AOPEP: variants seen among roughly 807,000 people sequenced by gnomAD.
AOPEP encodes aminopeptidase O (putative), also known as aminopeptidase O.
AOPEP carries 77 observed loss-of-function variants against 98.1 expected under a neutral mutation model. The ratio of observed to expected loss-of-function variants is 0.78; its 90% CI spans 0.65 to 0.95. AOPEP has a LOEUF of 0.95. Among genes scored for constraint, AOPEP ranks in the 40% least tolerant of loss-of-function variants. AOPEP has a pLI of 0.00. For synonymous variants in AOPEP, 346 were observed against 365.3 expected (o/e 0.95, Z 0.60); for missense variants, 1,024 against 1,024.7 (o/e 1.00, Z 0.01).
At chr9:95,135,345 C>T in the AOPEP span, 15 of 1,613,718 alleles carry the variant, frequency 9.3e-6, no homozygotes, top group Admixed American at 1.7e-5. Context: ...CCAGTACGTA[C>T]CAGCGATGAA....
chr9:94,917,821 G>C (rs2053049275), intron 5 of AOPEP, among the ~76,000 whole-genome samples: 1 of 152,006 alleles, frequency 6.6e-6, no homozygotes, highest in Non-Finnish European at 1.5e-5. Context: ...CCCTCAGCCT[G>C]TTGGCCTCTT....
chr9:95,080,827 T>C, intron 15 of AOPEP, 47 bp downstream of exon 15: 3 of 1,233,272 alleles, frequency 2.4e-6, no homozygotes, highest in African/African-American at 1.5e-5. Flanking sequence ...AGGCTGTCCC[T>C]GCACTTCACA....
the AOPEP span, among the ~76,000 whole-genome samples, chr9:95,139,537 A>AGT: frequency 6.6e-6 from 1 of 152,062 alleles, no homozygotes; most frequent in Admixed American, 6.6e-5. Flanking sequence ...GGCGGAACAG[A>AGT]GTGTGGGCCT....
At chr9:95,012,223 T>C (rs1342081184) in intron 13 of AOPEP, among the ~76,000 whole-genome samples, 1 of 152,174 alleles carries the variant, frequency 6.6e-6, no homozygotes, top group African/African-American at 2.4e-5. Context: ...TTATTGACAA[T>C]CCTAGACCAC....
At chr9:94,872,175 T>C (rs547662103) in intron 5 of AOPEP, among the ~76,000 whole-genome samples, 18 of 152,296 alleles carry the variant, frequency 1.2e-4, no homozygotes, top group Middle Eastern at 6.8e-3. Flanking sequence ...TATGAATAAG[T>C]GATCCTACAA....
the AOPEP span, among the ~76,000 whole-genome samples, chr9:95,103,579 G>C: frequency 2.0e-5 from 3 of 152,236 alleles, no homozygotes; most frequent in Non-Finnish European, 1.5e-5. Flanking sequence ...GAGGGAGCAA[G>C]TGGACGGCTG....
At chr9:94,757,616 TGTTAGA>T (rs1352571519) in intron 1 of AOPEP, among the ~76,000 whole-genome samples, 7 of 148,766 alleles carry the variant, frequency 4.7e-5, no homozygotes, top group Non-Finnish European at 5.9e-5. Context: ...TTTAGGAATC[TGTTAGA>T]GTTAGACAAT....
At chr9:94,829,546 C>G (rs1288679721) in intron 5 of AOPEP, among the ~76,000 whole-genome samples, 2 of 152,120 alleles carry the variant, frequency 1.3e-5, no homozygotes, top group African/African-American at 4.8e-5. Flanking sequence ...AACAAACAGG[C>G]CACGCCCATG....
chr9:94,800,121 G>A (rs1847888497), intron 4 of AOPEP, among the ~76,000 whole-genome samples: 1 of 152,158 alleles, frequency 6.6e-6, no homozygotes, highest in Non-Finnish European at 1.5e-5. Context: ...AATTTGTTCT[G>A]AAAGTGGGTT....
intron 11 of AOPEP, among the ~76,000 whole-genome samples, chr9:94,988,811 T>C (rs1414565884): frequency 1.3e-5 from 2 of 152,174 alleles, no homozygotes; most frequent in African/African-American, 4.8e-5. Flanking sequence ...AACCTGCTAC[T>C]GAGTCAGCAT....
chr9:94,760,612 C>T (rs1030972469), intron 2 of AOPEP, 32 bp downstream of exon 2: 14 of 1,498,778 alleles, frequency 9.3e-6, no homozygotes, highest in Non-Finnish European at 1.2e-5. Context: ...AAGCCCTGTG[C>T]CTGTTAATCT....
the AOPEP span, among the ~76,000 whole-genome samples, chr9:95,137,346 A>G: frequency 6.6e-6 from 1 of 152,022 alleles, no homozygotes; most frequent in African/African-American, 2.4e-5. Context: ...ACCCGGGGAG[A>G]CTGCGGAGGA....
At chr9:94,895,388 A>G (rs1166473579) in intron 5 of AOPEP, among the ~76,000 whole-genome samples, 1 of 149,270 alleles carries the variant, frequency 6.7e-6, no homozygotes, top group Non-Finnish European at 1.5e-5. Flanking sequence ...TGACAGAGCA[A>G]GACCCTGTCT....
At chr9:94,979,549 C>A in intron 11 of AOPEP, 122 bp downstream of exon 11, 1 of 654,242 alleles carries the variant, frequency 1.5e-6, no homozygotes, top group Non-Finnish European at 2.8e-6. Flanking sequence ...TTACTGAGTG[C>A]AAGTATCTGT....
chr9:94,992,408 C>T (rs1253257461), intron 11 of AOPEP, among the ~76,000 whole-genome samples: 1 of 152,194 alleles, frequency 6.6e-6, no homozygotes, highest in East Asian at 1.9e-4. Flanking sequence ...CAGCCACCAC[C>T]GTCACACTGT....
At chr9:94,963,056 T>C (rs755881292) in intron 9 of AOPEP, among the ~76,000 whole-genome samples, 176 of 152,356 alleles carry the variant, frequency 1.2e-3, no homozygotes, top group Non-Finnish European at 2.2e-3. Context: ...TATTATCATC[T>C]TTGTAGCCCC....
intron 7 of AOPEP, among the ~76,000 whole-genome samples, chr9:94,933,851 C>T (rs966548777): frequency 6.6e-6 from 1 of 151,832 alleles, no homozygotes; most frequent in Non-Finnish European, 1.5e-5. Context: ...ATGTTCACGC[C>T]ATTCTCCTGC....
At chr9:95,056,956 T>C (rs1003163734) in intron 13 of AOPEP, among the ~76,000 whole-genome samples, 3 of 152,188 alleles carry the variant, frequency 2.0e-5, no homozygotes, top group Non-Finnish European at 4.4e-5. Flanking sequence ...TGTGTAAATT[T>C]CCGAGGCAGA....
intron 16 of AOPEP, chr9:95,085,293 C>T (rs756020202): frequency 2.1e-6 from 1 of 482,512 alleles, no homozygotes; most frequent in Non-Finnish European, 4.3e-6. Flanking sequence ...ACCACGCAAC[C>T]ACGACCTTGG....
Sources: allele counts gnomAD v4.1 joint callset (sites outside exome capture counted in the v4.1 genomes callset), GRCh38; gene constraint gnomAD v4.1.1; transcripts MANE v1.5; gene names NCBI Gene and HGNC (gene_info 2026-07-23, HGNC 2026-07-21).